Variants in SI observed in about 807,000 individuals in gnomAD.
The protein encoded by SI is sucrase-isomaltase, also known as sucrase-isomaltase, intestinal.
A neutral mutation model predicts 253.3 loss-of-function variants in SI; 235 were observed. That is an observed-to-expected ratio of 0.93 (90% CI 0.83 to 1.03). The LOEUF is 1.03. Ranked by LOEUF, SI falls within the 50% of genes least tolerant of loss-of-function variation. SI has a pLI of 0.00. For synonymous variants in SI, 819 were observed against 712.0 expected, an observed-to-expected ratio of 1.15 and a Z score of -2.39; for missense variants, 2,442 against 2,211.1, an observed-to-expected ratio of 1.10 and a Z score of -2.09.
chr3:165,044,309 C>T (rs1713004715), intron 16 of SI, among the ~76,000 whole-genome samples: 1 of 151,930 alleles, frequency 6.6e-6, no homozygotes, highest in Non-Finnish European at 1.5e-5. Context: ...GGTGTACATA[C>T]ATAGGATTAT....
intron 44 of SI, among the ~76,000 whole-genome samples, chr3:164,989,786 G>A (rs936117157): frequency 1.3e-5 from 2 of 152,108 alleles, no homozygotes; most frequent in Non-Finnish European, 1.5e-5. Flanking sequence ...GGTATCTCAT[G>A]GAGGAATCTT....
At chr3:165,017,300 T>C (rs1321323884) in intron 31 of SI, among the ~76,000 whole-genome samples, 2 of 151,780 alleles carry the variant, frequency 1.3e-5, no homozygotes, top group Non-Finnish European at 2.9e-5. Flanking sequence ...AAGTGCACAG[T>C]GACTTGTTTA....
intron 33 of SI, among the ~76,000 whole-genome samples, chr3:165,014,561 T>A (rs1718936904): frequency 6.6e-6 from 1 of 152,252 alleles, no homozygotes; most frequent in East Asian, 1.9e-4. Context: ...CATCATAGAT[T>A]TTTTTGATGG....
Position 165,053,927 on chromosome 3 carries a change from A to G in SI, c.1512+1267T>C, listed in dbSNP as rs1335601662. 2.0e-5 allele frequency among the ~76,000 whole-genome samples: 3 copies of G among 152,120 alleles called. No individual in the cohort carries two copies. The South Asian group carries it at 6.2e-4, about 32-fold the overall frequency. On this transcript the variant is annotated intron_variant, in intron 13 of 47. Transcript: ENST00000264382. The stretch of plus-strand genomic sequence containing the variant: ...TTATTTCTACCAATTGCTAGTTATT[A>G]GTGGTGTGATATCACTGATTTTATG...
intron 3 of SI, among the ~76,000 whole-genome samples, chr3:165,072,675 G>A (rs1054308613): frequency 1.3e-5 from 2 of 151,986 alleles, no homozygotes; most frequent in Non-Finnish European, 2.9e-5. Flanking sequence ...CGTGAAACAT[G>A]AGCTCACATT....
intron 44 of SI, among the ~76,000 whole-genome samples, chr3:164,987,833 A>G (rs1020613754): frequency 6.6e-5 from 10 of 152,220 alleles, no homozygotes; most frequent in Non-Finnish European, 1.2e-4. Context: ...TTTTATTCAT[A>G]TATTTACTCA....
intron 13 of SI, among the ~76,000 whole-genome samples, chr3:165,054,304 T>C (rs1713578372): frequency 6.6e-6 from 1 of 152,090 alleles, no homozygotes; most frequent in African/African-American, 2.4e-5. Context: ...TTAGTTTCTA[T>C]CCCTAGCAGC....
Position 165,070,482 on chromosome 3 carries a change from G to A in SI, c.256-1287C>T, listed in dbSNP as rs147947057. On this transcript the variant is annotated intron_variant, in intron 3 of 47. Transcript: ENST00000264382. ...CTAATAACTTATTAGAGTCTAAAGT[G>A]TGTGCAACTTTTGATCAGGCAATTT... 4.3e-3 allele frequency among the ~76,000 whole-genome samples: 652 copies of A among 150,848 alleles called. 2 individuals carry two copies. The highest frequency in any genetic ancestry group is 0.015 in the African/African-American group (609 of 41,242).
Position 165,033,430 on chromosome 3 carries a change from C to T in SI, c.2530G>A (p.Gly844Ser). ...GAAAATGTATATAATATGTAGTTGC[C>T]ATTTTGTATTGTATCTGAAATGAAA... ...DGETKDTIQNGNYILYTFSVS... is the reference protein window; with the variant it reads ...DGETKDTIQNSNYILYTFSVS... The change falls in exon 23 of 48, where the codon GGC becomes AGC. Residue 844 changes from glycine (G) to serine (S), a missense_variant. Gly to Ser is a moderately conservative substitution (Grantham distance 56). Transcript: ENST00000264382. 1 of 1,545,000 alleles carries T rather than the reference C, an allele frequency of 6.5e-7. No homozygotes were observed. Among genetic ancestry groups the T allele is most frequent in the Non-Finnish European group, 8.8e-7 (1 of 1,142,098 alleles).
rs1241945532 is a variant in SI at position 165,016,072 on chromosome 3, C to T, written c.3768G>A (p.Gln1256=). The T allele has an allele frequency of 1.9e-6, 3 of 1,612,514 alleles. No homozygotes were observed. Among genetic ancestry groups the T allele is most frequent in the Non-Finnish European group, 2.5e-6 (3 of 1,179,044 alleles). Residue 1256 remains glutamine, a synonymous_variant, in exon 32 of 48, where the codon CAG becomes CAA. Coordinates refer to ENST00000264382, the MANE Select transcript of SI (RefSeq NM_001041.4). ...MVAANIPYDV[Q]YTDIDYMERQ... ...TTTCCATGTAGTCAATGTCTGTGTACTGAACATCCTGAAATATCCAAAAAT... is the reference window on the plus strand; with the variant it reads ...TTTCCATGTAGTCAATGTCTGTGTATTGAACATCCTGAAATATCCAAAAAT...
chr3:165,008,939 A>T (rs183714743), intron 35 of SI, among the ~76,000 whole-genome samples: 3 of 151,998 alleles, frequency 2.0e-5, no homozygotes, highest in Admixed American at 2.0e-4. Context: ...AGAAATTTTT[A>T]TCTCTCATAC....
chr3:165,033,242 A>G (rs1270105205), intron 23 of SI, among the ~76,000 whole-genome samples, 153 bp downstream of exon 23: 3 of 151,644 alleles, frequency 2.0e-5, no homozygotes, highest in Admixed American at 1.3e-4. Context: ...TAACAATTTA[A>G]ATATAACAAT....
chr3:164,989,622 A>G (rs1006832620), intron 44 of SI, among the ~76,000 whole-genome samples: 2 of 152,246 alleles, frequency 1.3e-5, no homozygotes, highest in East Asian at 3.9e-4. Context: ...GTCAGGAAAT[A>G]TATCACAAGA....
chr3:165,052,884 G>C (rs537249016), intron 13 of SI, among the ~76,000 whole-genome samples: 4 of 151,812 alleles, frequency 2.6e-5, no homozygotes, highest in Non-Finnish European at 5.9e-5. Context: ...TAGTTATTTG[G>C]ATATGTAAAC....
chr3:165,037,105 A>T (rs537497805), intron 21 of SI, among the ~76,000 whole-genome samples: 1 of 151,808 alleles, frequency 6.6e-6, no homozygotes, highest in African/African-American at 2.4e-5. Flanking sequence ...TTGAGAACAT[A>T]CTCTTGTATC....
At chr3:165,032,772 A>C in intron 23 of SI, 80 bp from the exon 24 acceptor site, 1 of 915,922 alleles carries the variant, frequency 1.1e-6, no homozygotes, top group South Asian at 1.5e-5. Flanking sequence ...AGAAATAGCA[A>C]AAAAAGGTCA....
chr3:165,052,999 G>T (rs922666876), intron 13 of SI, among the ~76,000 whole-genome samples: 2 of 151,498 alleles, frequency 1.3e-5, no homozygotes, highest in Non-Finnish European at 1.5e-5. Context: ...TTTAAGAATA[G>T]AACCAAAATA....
At position 164,979,143 on chromosome 3, in the gene SI, A is replaced by G; in HGVS notation, c.*219T>C. The G allele has an allele frequency of 1.9e-6, 1 of 526,492 alleles. No individual in the cohort carries two copies. Among genetic ancestry groups the G allele is most frequent in the East Asian group, 3.1e-5 (1 of 32,330 alleles). The allele number at this position is 526,492 out of a possible 1,614,324, so 32.6% of individuals were successfully genotyped here. ...ATACTTAACAAGGATAAATAGGGCT[A>G]TTCAAATTTTGTTAAATATGCCTTA... On this transcript the variant is annotated 3_prime_UTR_variant, in exon 48 of 48. Transcript: ENST00000264382.
chr3:165,087,629 C>G, the SI span, among the ~76,000 whole-genome samples: 1 of 152,096 alleles, frequency 6.6e-6, no homozygotes, highest in Non-Finnish European at 1.5e-5. Context: ...CATTCCACAA[C>G]AAAGGCCTAG....
Sources: gnomAD v4.1 joint callset for allele counts (sites outside exome capture counted in the v4.1 genomes callset) on GRCh38, gnomAD v4.1.1 for gene constraint, MANE v1.5 for transcripts, NCBI Gene and HGNC (gene_info 2026-07-23, HGNC 2026-07-21) for gene names.